Variants in SGPP1 observed in about 807,000 individuals in gnomAD.
The protein encoded by SGPP1 is sphingosine-1-phosphate phosphatase 1.
Under a neutral mutation model 33.0 loss-of-function variants are expected in SGPP1, and 21 were observed. The observed-to-expected ratio is 0.64, with a 90% CI of 0.45 to 0.92. The LOEUF (loss-of-function observed/expected upper bound fraction) is 0.92. SGPP1 is among the 40% of genes least tolerant of loss of function. The pLI, the probability that SGPP1 is intolerant of heterozygous loss-of-function variation, is 0.00. For synonymous variants in SGPP1, 239 were observed against 241.2 expected (o/e 0.99, Z 0.08); for missense variants, 543 against 589.4 (o/e 0.92, Z 0.81).
At chr14:63,705,059 G>A (rs1472925915) in intron 1 of SGPP1, among the ~76,000 whole-genome samples, 4 of 151,702 alleles carry the variant, frequency 2.6e-5, no homozygotes, top group African/African-American at 9.7e-5. Context: ...CCCGGGAGGT[G>A]GGGGTTGCAG....
rs77041488 is a variant in SGPP1, at chr14:63,718,248, A to C, written c.684+9013T>G. Among the ~76,000 whole-genome samples, 1,110 of 141,484 alleles carry C rather than the reference A, an allele frequency of 7.8e-3. 13 individuals carry two copies. The highest frequency in any genetic ancestry group is 0.033 in the South Asian group (150 of 4,614). The allele number at this position is 141,484 out of a possible 152,430, so 92.8% of individuals were successfully genotyped here. A position where few individuals can be genotyped will look rare whatever the true frequency, so the allele number is the denominator to read the frequency against. On this transcript the variant is annotated intron_variant, in intron 1 of 2. Transcript: ENST00000247225. The stretch of plus-strand genomic sequence containing the variant: ...GGGGAACAGCGCAAGACTCCATCTC[A>C]AAAAAAAAAAAAAGAAGTGCCAAGA...
At chr14:63,724,704 C>CG (rs1885842311) in intron 1 of SGPP1, among the ~76,000 whole-genome samples, 1 of 148,956 alleles carries the variant, frequency 6.7e-6, no homozygotes, top group African/African-American at 2.5e-5. Context: ...TCTGGGAGGC[C>CG]AGTGGTGGGG....
intron 1 of SGPP1, among the ~76,000 whole-genome samples, chr14:63,706,822 C>A (rs533747161): frequency 6.6e-6 from 1 of 152,192 alleles, no homozygotes; most frequent in South Asian, 2.1e-4. Context: ...ATGGGTGGAT[C>A]ACCTCAGGTC....
At chr14:63,704,388 A>G (rs1212568207) in intron 1 of SGPP1, among the ~76,000 whole-genome samples, 3 of 152,240 alleles carry the variant, frequency 2.0e-5, no homozygotes, top group Admixed American at 6.5e-5. Context: ...CTGATTTTCA[A>G]TAAGAATGCC....
At chr14:63,726,289 C>A (rs1490514976) in intron 1 of SGPP1, among the ~76,000 whole-genome samples, 1 of 152,132 alleles carries the variant, frequency 6.6e-6, no homozygotes, top group African/African-American at 2.4e-5. Flanking sequence ...AGAATCTCCA[C>A]AATTACGCAC....
rs773843910 is a variant in SGPP1 at position 63,727,830 on chromosome 14, G to C, written c.115C>G (p.Arg39Gly). 10 of 1,510,042 alleles carry C rather than the reference G, an allele frequency of 6.6e-6. No individual in the cohort carries two copies. The South Asian group carries it at 1.1e-4, about 17-fold the overall frequency. 93.5% of individuals were successfully genotyped at this position (1,510,042 alleles called of 1,614,324 possible). ...VEAPPRRSAD[R>G]REDEKAEAPL... ...GCCTCCGCTTTCTCATCCTCCCTCC[G>C]GTCTGCTGAGCGGCGCGGCGGCGCT... The change falls in exon 1 of 3, where the codon CGG (arginine) becomes GGG (glycine). Residue 39 changes from arginine to glycine, a missense_variant. Transcript: ENST00000247225.
At chr14:63,699,300 G>A (rs2139635841) in intron 1 of SGPP1, among the ~76,000 whole-genome samples, 1 of 152,260 alleles carries the variant, frequency 6.6e-6, no homozygotes, top group South Asian at 2.1e-4. Flanking sequence ...TGGTATCAAT[G>A]GCACTAGTGG....
At chr14:63,699,534 A>G (rs1885253093) in intron 1 of SGPP1, among the ~76,000 whole-genome samples, 2 of 152,130 alleles carry the variant, frequency 1.3e-5, no homozygotes, top group Non-Finnish European at 2.9e-5. Context: ...GAAAATATTT[A>G]GTACGAAATT....
chr14:63,709,094 G>T (rs996246581), intron 1 of SGPP1, among the ~76,000 whole-genome samples: 2 of 152,120 alleles, frequency 1.3e-5, no homozygotes, highest in African/African-American at 4.8e-5. Flanking sequence ...ACTAATTCTG[G>T]CTGGGCGTGG....
Position 63,699,045 on chromosome 14 carries a change from T to C in SGPP1, c.685-387A>G, listed in dbSNP as rs77134901. On this transcript the variant is annotated intron_variant, in intron 1 of 2. Coordinates refer to ENST00000247225, the MANE Select transcript of SGPP1 (RefSeq NM_030791.4). ...CCTGAATCTGGTCCATGTAAATGTC[T>C]TCAGTTGTCTGGGGAGGAGGATTGG... Among the ~76,000 whole-genome samples the C allele has an allele frequency of 1.3e-3, 202 of 152,292 alleles. 3 individuals are homozygous for C. In the East Asian group the frequency reaches 0.019, roughly 14 times the overall value.
rs71120275 is a variant in SGPP1, at chr14:63,688,315, C to CAAAAAAAAAAAA, written c.775-1671_775-1660dup. Reference sequence around the variant, plus strand: ...TGGGTGACAGAGCAAGACTCTGTCTCAAAAAAAAAAAAAAAAAAAAAAAAA... The same window carrying CAAAAAAAAAAAA: ...TGGGTGACAGAGCAAGACTCTGTCTCAAAAAAAAAAAAAAAAAAAAAAAAAAAAAAAAAAAAA... On this transcript the variant is annotated intron_variant, in intron 2 of 2. Transcript: ENST00000247225. 3.2e-3 allele frequency among the ~76,000 whole-genome samples: 102 copies of CAAAAAAAAAAAA among 31,428 alleles called. 2 individuals carry two copies. Among genetic ancestry groups the CAAAAAAAAAAAA allele is most frequent in the African/African-American group, 0.01 (101 of 10,086 alleles). 20.6% of individuals were successfully genotyped at this position (31,428 alleles called of 152,430 possible). A position where few individuals can be genotyped will look rare whatever the true frequency, so the allele number is the denominator to read the frequency against.
rs149869238 is a variant in SGPP1 at position 63,705,562 on chromosome 14, G to A, written c.685-6904C>T. On this transcript the variant is annotated intron_variant, in intron 1 of 2. Coordinates refer to ENST00000247225, the MANE Select transcript of SGPP1 (RefSeq NM_030791.4). ...ATGCACTTGTGGTCCCAGGTACTTG[G>A]GAGGCTGAGGTAGGTGGATCACTTG... is the stretch of plus-strand genomic sequence containing the variant. Among the ~76,000 whole-genome samples the A allele has an allele frequency of 3.3e-3, 494 of 151,978 alleles. 1 individual carries two copies. The highest frequency in any genetic ancestry group is 0.011 in the African/African-American group (475 of 41,446).
intron 1 of SGPP1, among the ~76,000 whole-genome samples, chr14:63,700,148 T>C (rs1885266249): frequency 6.6e-6 from 1 of 152,048 alleles, no homozygotes; most frequent in Non-Finnish European, 1.5e-5. Context: ...CCACACACCT[T>C]GGCCTCGCAA....
intron 1 of SGPP1, among the ~76,000 whole-genome samples, chr14:63,699,090 C>A (rs1199694349): frequency 6.6e-6 from 1 of 152,236 alleles, no homozygotes; most frequent in African/African-American, 2.4e-5. Flanking sequence ...CCTCTCACTT[C>A]ATCAGTGACT....
Position 63,685,923 on chromosome 14 carries a change from C to A in SGPP1, c.*182G>T. 2.3e-6 allele frequency: 1 copy of A among 427,432 alleles called. No individual in the cohort carries two copies. The highest frequency in any genetic ancestry group is 6.2e-5 in the South Asian group (1 of 16,176). The allele number at this position is 427,432 out of a possible 1,614,324, so 26.5% of individuals were successfully genotyped here. A position where few individuals can be genotyped will look rare whatever the true frequency, so the allele number is the denominator to read the frequency against. On this transcript the variant is annotated 3_prime_UTR_variant, in exon 3 of 3. Coordinates refer to ENST00000247225, the MANE Select transcript of SGPP1 (RefSeq NM_030791.4). ...TTTTCTCAGTAACGAAATAGCTCAG[C>A]TCACCTAAAACAGTATCTGGATGTG...
At chr14:63,691,788 C>T (rs1186567017) in intron 2 of SGPP1, among the ~76,000 whole-genome samples, 1 of 152,108 alleles carries the variant, frequency 6.6e-6, no homozygotes, top group African/African-American at 2.4e-5. Flanking sequence ...TGTTTTATTA[C>T]ATACTGCATA....
intron 1 of SGPP1, among the ~76,000 whole-genome samples, chr14:63,721,770 TTACTA>T (rs1358614260): frequency 6.6e-6 from 1 of 152,170 alleles, no homozygotes; most frequent in Non-Finnish European, 1.5e-5. Flanking sequence ...TCCAAAGCTC[TTACTA>T]TGTTTATCAA....
chr14:63,686,686 G>A, intron 2 of SGPP1, 30 bp from the exon 3 acceptor site: 1 of 1,413,594 alleles, frequency 7.1e-7, no homozygotes, highest in Non-Finnish European at 9.6e-7. Flanking sequence ...TCGTTGTTTA[G>A]TATAATACTG....
intron 1 of SGPP1, among the ~76,000 whole-genome samples, chr14:63,703,294 T>A (rs902944389): frequency 6.6e-6 from 1 of 152,046 alleles, no homozygotes; most frequent in African/African-American, 2.4e-5. Context: ...TACCTAGGAA[T>A]AAACTTAACT....
Sources: gnomAD v4.1 joint callset for allele counts (sites outside exome capture counted in the v4.1 genomes callset) on GRCh38, gnomAD v4.1.1 for gene constraint, MANE v1.5 for transcripts, NCBI Gene and HGNC (gene_info 2026-07-23, HGNC 2026-07-21) for gene names.